The following PPP3CA variants were observed in gnomAD, a reference collection of about 807,000 sequenced individuals.
The protein encoded by PPP3CA is CAM-PRP catalytic subunit.
In PPP3CA, 14 loss-of-function variants were observed where a neutral mutation model predicts 66.5. The observed-to-expected ratio is 0.21, with a 90% CI of 0.14 to 0.33. The LOEUF (loss-of-function observed/expected upper bound fraction) is 0.33, where lower values mean the gene tolerates loss of function less well. Ranked by LOEUF, PPP3CA falls within the 10% of genes least tolerant of loss-of-function variation. The pLI is 1.00. For missense variants in PPP3CA, 317 were observed against 639.5 expected (o/e 0.50, Z 5.44); for synonymous variants, 232 against 226.2 (o/e 1.03, Z -0.23).
At chr4:101,053,452 C>T (rs145126684) in intron 10 of PPP3CA, among the ~76,000 whole-genome samples, 1 of 152,126 alleles carries the variant, frequency 6.6e-6, no homozygotes, top group Non-Finnish European at 1.5e-5. Context: ...CCAGCTTTAA[C>T]AGTGCAGGCT....
At chr4:101,313,267 T>C (rs950430376) in intron 1 of PPP3CA, among the ~76,000 whole-genome samples, 2 of 152,110 alleles carry the variant, frequency 1.3e-5, no homozygotes, top group African/African-American at 4.8e-5. Flanking sequence ...CCTGAAACAA[T>C]TCTCCTACCT....
rs1023493580 is a variant in PPP3CA, at chr4:101,024,374, T to G, written c.*1491A>C. ...GAGTAGTAATATAAAATGCTTTTTC[T>G]TTTTCATTGTTACAAGTGCATGCTT... is the stretch of plus-strand genomic sequence containing the variant. On this transcript the variant is annotated 3_prime_UTR_variant, in exon 14 of 14. Coordinates refer to ENST00000394854, the MANE Select transcript of PPP3CA (RefSeq NM_000944.5). 2.0e-5 allele frequency: 3 copies of G among 152,670 alleles called. No individual in the cohort carries two copies. The highest frequency in any genetic ancestry group is 7.2e-5 in the African/African-American group (3 of 41,464). 9.5% of individuals were successfully genotyped at this position (152,670 alleles called of 1,614,324 possible). A position where few individuals can be genotyped will look rare whatever the true frequency, so the allele number is the denominator to read the frequency against.
chr4:101,305,892 T>G (rs1036516495), intron 1 of PPP3CA, among the ~76,000 whole-genome samples: 3 of 152,080 alleles, frequency 2.0e-5, no homozygotes, highest in Non-Finnish European at 4.4e-5. Flanking sequence ...CAAAATATAA[T>G]CTACTCACTG....
At chr4:101,032,178 A>T in intron 12 of PPP3CA, 89 bp downstream of exon 12, 1 of 1,028,670 alleles carries the variant, frequency 9.7e-7, no homozygotes, top group Non-Finnish European at 1.3e-6. Flanking sequence ...AGACCAAGAC[A>T]GAGCTTAAAT....
At chr4:101,178,742 C>G (rs1724142898) in intron 2 of PPP3CA, among the ~76,000 whole-genome samples, 1 of 152,092 alleles carries the variant, frequency 6.6e-6, no homozygotes, top group Admixed American at 6.6e-5. Context: ...TAAGCATTTA[C>G]ATTTGTCATG....
chr4:101,291,907 T>C (rs1256695224), intron 1 of PPP3CA, among the ~76,000 whole-genome samples: 2 of 152,068 alleles, frequency 1.3e-5, no homozygotes, highest in African/African-American at 2.4e-5. Context: ...GGTGGGCAGA[T>C]CCCTTGAGCC....
intron 1 of PPP3CA, among the ~76,000 whole-genome samples, chr4:101,217,947 C>T (rs1004401759): frequency 1.3e-5 from 2 of 151,972 alleles, no homozygotes; most frequent in African/African-American, 4.8e-5. Context: ...AGACAGAGGC[C>T]CCGAGTGACG....
chr4:101,045,398 T>C (rs1213578624), intron 10 of PPP3CA, among the ~76,000 whole-genome samples: 2 of 152,226 alleles, frequency 1.3e-5, no homozygotes, highest in Admixed American at 1.3e-4. Context: ...GGGAAACATT[T>C]ATACCATGAA....
At chr4:101,209,037 C>T (rs1175179172) in intron 1 of PPP3CA, among the ~76,000 whole-genome samples, 1 of 152,044 alleles carries the variant, frequency 6.6e-6, no homozygotes, top group African/African-American at 2.4e-5. Context: ...AATATAGAAA[C>T]TTCTACAATT....
At chr4:101,332,844 A>AT (rs1339966894) in intron 1 of PPP3CA, among the ~76,000 whole-genome samples, 1 of 152,156 alleles carries the variant, frequency 6.6e-6, no homozygotes, top group Non-Finnish European at 1.5e-5. Context: ...TTAAATACAG[A>AT]TTTTGTCTAG....
intron 6 of PPP3CA, among the ~76,000 whole-genome samples, chr4:101,090,572 G>A (rs183051584): frequency 0.05 from 7,436 of 149,498 alleles, 691 homozygotes; most frequent in African/African-American, 0.17. Flanking sequence ...AACCCGGGAG[G>A]TGGAGGTTGT....
chr4:101,328,450 T>C (rs894253202), intron 1 of PPP3CA, among the ~76,000 whole-genome samples: 1 of 152,210 alleles, frequency 6.6e-6, no homozygotes, highest in Non-Finnish European at 1.5e-5. Flanking sequence ...ATCTAAAATG[T>C]TACAATGAAA....
At chr4:101,203,314 G>GTAAATA (rs1725028803) in intron 1 of PPP3CA, among the ~76,000 whole-genome samples, 2 of 152,104 alleles carry the variant, frequency 1.3e-5, no homozygotes, top group Non-Finnish European at 2.9e-5. Flanking sequence ...GGCCAATATG[G>GTAAATA]TAAAACCCTG....
At chr4:101,201,951 T>C (rs1224468258) in intron 1 of PPP3CA, among the ~76,000 whole-genome samples, 1 of 152,134 alleles carries the variant, frequency 6.6e-6, no homozygotes, top group East Asian at 1.9e-4. Context: ...CAGGAAGAAA[T>C]GGGCCACAGA....
chr4:101,054,136 T>G (rs1159279278), intron 10 of PPP3CA, among the ~76,000 whole-genome samples: 2 of 151,954 alleles, frequency 1.3e-5, no homozygotes, highest in African/African-American at 4.8e-5. Context: ...TTTCTATTTT[T>G]TATATTAAAG....
rs1721787411 is a variant in PPP3CA at position 101,114,718 on chromosome 4, A to G, written c.260-5640T>C. On this transcript the variant is annotated intron_variant, in intron 2 of 13. Coordinates refer to ENST00000394854, the MANE Select transcript of PPP3CA (RefSeq NM_000944.5). ...CTTTTAATATTGCTTCCTTCCCTCC[A>G]TTAGCCCATTTTAAGCAAAACTTTA... Among the ~76,000 whole-genome samples the G allele has an allele frequency of 2.6e-5, 4 of 152,202 alleles. No homozygotes were observed. The South Asian group carries it at 8.3e-4, about 32-fold the overall frequency.
intron 10 of PPP3CA, among the ~76,000 whole-genome samples, chr4:101,051,652 G>A (rs984344233): frequency 2.6e-5 from 4 of 152,092 alleles, no homozygotes; most frequent in African/African-American, 9.7e-5. Context: ...CTTTCACTGA[G>A]AGAGCTCTCT....
chr4:101,106,073 A>G (rs958478502), intron 3 of PPP3CA, among the ~76,000 whole-genome samples: 1 of 152,044 alleles, frequency 6.6e-6, no homozygotes, highest in Non-Finnish European at 1.5e-5. Flanking sequence ...TTGTAATCTG[A>G]GCACTTTGGG....
intron 1 of PPP3CA, among the ~76,000 whole-genome samples, chr4:101,210,527 G>T (rs1725269291): frequency 6.6e-6 from 1 of 152,036 alleles, no homozygotes; most frequent in African/African-American, 2.4e-5. Context: ...CCCATTACTG[G>T]CACAACACAA....
Sources: allele counts gnomAD v4.1 joint callset (sites outside exome capture counted in the v4.1 genomes callset), GRCh38; gene constraint gnomAD v4.1.1; transcripts MANE v1.5; gene names NCBI Gene and HGNC (gene_info 2026-07-23, HGNC 2026-07-21).